The following DPP10 variants were observed in gnomAD, a reference collection of about 807,000 sequenced individuals.
DPP10 encodes the protein dipeptidyl peptidase like 10, also known as inactive dipeptidyl peptidase 10.
In DPP10, 33 loss-of-function variants were observed where a neutral mutation model predicts 120.9. The observed-to-expected ratio is 0.27, with a 90% CI of 0.21 to 0.37. The LOEUF is 0.37. Among genes scored for constraint, DPP10 ranks in the 10% least tolerant of loss-of-function variants. The probability of loss-of-function intolerance (pLI) is 1.00; values close to 1 mark genes in which losing one functional copy is unlikely to be tolerated. For synonymous variants in DPP10, 337 were observed against 326.1 expected (o/e 1.03, Z -0.36); for missense variants, 816 against 942.8 (o/e 0.87, Z 1.76).
intron 1 of DPP10, among the ~76,000 whole-genome samples, chr2:114,532,260 T>TAA (rs1345399868): frequency 1.2e-4 from 2 of 17,104 alleles, no homozygotes; most frequent in African/African-American, 3.6e-4. Context: ...AATCTCCATA[T>TAA]ATATATATAT....
At chr2:114,718,450 C>T (rs1260212370) in intron 1 of DPP10, among the ~76,000 whole-genome samples, 2 of 149,550 alleles carry the variant, frequency 1.3e-5, no homozygotes, top group African/African-American at 4.9e-5. Flanking sequence ...GTGCTAGCTG[C>T]ACTTTCAGTC....
intron 1 of DPP10, among the ~76,000 whole-genome samples, chr2:114,507,890 T>C (rs1241478489): frequency 1.3e-5 from 2 of 152,362 alleles, no homozygotes; most frequent in South Asian, 4.1e-4. Context: ...TAAAATGTTT[T>C]TATTAGTGGT....
intron 3 of DPP10, among the ~76,000 whole-genome samples, chr2:115,357,581 C>G (rs1378384095): frequency 6.6e-6 from 1 of 152,174 alleles, no homozygotes; most frequent in Non-Finnish European, 1.5e-5. Flanking sequence ...GTGCACAGTA[C>G]AAGCCGTCAG....
At chr2:115,266,515 G>A (rs947560473) in intron 1 of DPP10, among the ~76,000 whole-genome samples, 2 of 152,130 alleles carry the variant, frequency 1.3e-5, no homozygotes, top group African/African-American at 2.4e-5. Flanking sequence ...TGAGACAGGT[G>A]TTCATTGGCA....
chr2:114,642,653 G>T, intron 1 of DPP10, among the ~76,000 whole-genome samples: 1 of 151,664 alleles, frequency 6.6e-6, no homozygotes, highest in East Asian at 1.9e-4. Flanking sequence ...AGGAGGAACA[G>T]CTCACCAGGG....
chr2:115,422,081 A>G (rs938773948), intron 3 of DPP10, among the ~76,000 whole-genome samples: 4 of 152,078 alleles, frequency 2.6e-5, no homozygotes, highest in African/African-American at 9.7e-5. Context: ...ACGGCAAGCC[A>G]CTATGGGAGA....
chr2:115,655,743 T>A (rs1355248231), intron 5 of DPP10, among the ~76,000 whole-genome samples: 1 of 151,658 alleles, frequency 6.6e-6, no homozygotes, highest in African/African-American at 2.4e-5. Context: ...AATCATATAA[T>A]CGCTCAACAC....
chr2:115,239,140 A>G (rs1194588993), intron 1 of DPP10, among the ~76,000 whole-genome samples: 23 of 152,154 alleles, frequency 1.5e-4, no homozygotes, highest in Non-Finnish European at 3.2e-4. Context: ...CACTGACTCA[A>G]CTGTTAATCT....
chr2:115,596,011 G>T (rs1190317804), intron 5 of DPP10, among the ~76,000 whole-genome samples: 1 of 151,976 alleles, frequency 6.6e-6, no homozygotes, highest in Admixed American at 6.6e-5. Context: ...TTATGTATTA[G>T]ATTCAGAGCC....
At chr2:115,244,231 TATATATATAGAGAGAGAG>T (rs1450660535) in intron 1 of DPP10, among the ~76,000 whole-genome samples, 13 of 39,380 alleles carry the variant, frequency 3.3e-4, no homozygotes, top group Non-Finnish European at 4.0e-4. Flanking sequence ...TATATATATA[TATATATATAGAGAGAGAG>T]AGAGAGAGAG....
rs556468327 is a variant in DPP10 at position 114,677,555 on chromosome 2, A to G, written c.60+234717A>G. ...TAGATCACCCTACTCAGTCCTCACA[A>G]CGGTCCACTGAATTATTATCTTCCA... On this transcript the variant is annotated intron_variant, in intron 1 of 25. Coordinates refer to ENST00000410059, the MANE Select transcript of DPP10 (RefSeq NM_020868.6). 9.2e-5 allele frequency among the ~76,000 whole-genome samples: 14 copies of G among 152,244 alleles called. 1 individual carries two copies. In the Middle Eastern group the frequency reaches 0.017, roughly 185 times the overall value.
chr2:115,235,800 A>C (rs1173529998), intron 1 of DPP10, among the ~76,000 whole-genome samples: 1 of 152,094 alleles, frequency 6.6e-6, no homozygotes, highest in Admixed American at 6.6e-5. Flanking sequence ...GCCTCTGGTG[A>C]TCCACCCACC....
At chr2:115,524,168 G>T (rs767495833) in intron 4 of DPP10, among the ~76,000 whole-genome samples, 6 of 152,106 alleles carry the variant, frequency 3.9e-5, no homozygotes, top group Non-Finnish European at 8.8e-5. Flanking sequence ...CCAGGAATTA[G>T]CGTACACCCA....
chr2:114,846,560 A>G (rs1688563180), intron 1 of DPP10, among the ~76,000 whole-genome samples: 1 of 149,996 alleles, frequency 6.7e-6, no homozygotes, highest in Non-Finnish European at 1.5e-5. Context: ...CTAAATGTAA[A>G]TTCCATACTC....
chr2:115,324,149 G>A (rs922139851), intron 2 of DPP10, among the ~76,000 whole-genome samples: 1 of 152,104 alleles, frequency 6.6e-6, no homozygotes, highest in Admixed American at 6.6e-5. Flanking sequence ...GGTGTCACGT[G>A]CCTATAGTCC....
chr2:114,744,673 T>C (rs1253636289), intron 1 of DPP10, among the ~76,000 whole-genome samples: 1 of 152,220 alleles, frequency 6.6e-6, no homozygotes, highest in African/African-American at 2.4e-5. Context: ...GGAATCTTGG[T>C]TGATGCCTGT....
intron 1 of DPP10, among the ~76,000 whole-genome samples, chr2:114,862,075 C>T (rs1361391903): frequency 1.3e-5 from 2 of 152,078 alleles, no homozygotes; most frequent in African/African-American, 4.8e-5. Flanking sequence ...ATTAAAAATA[C>T]CTGTAAATTC....
chr2:114,500,313 G>A (rs115885089), intron 1 of DPP10, among the ~76,000 whole-genome samples: 1,557 of 152,282 alleles, frequency 0.01, 25 homozygotes, highest in African/African-American at 0.034. Context: ...AAGAGAATTT[G>A]CGGAATTAGG....
rs566286269 is a variant in DPP10, at chr2:115,473,897, C to T, written c.272-25613C>T. 3.3e-4 allele frequency among the ~76,000 whole-genome samples: 50 copies of T among 152,002 alleles called. No homozygotes were observed. The Middle Eastern group carries it at 0.01, about 31-fold the overall frequency. ...GACTCCCTCATAAAGCTATTGTGGA[C>T]GAAAGAGAGAAAGCATCTTACTGAT... On this transcript the variant is annotated intron_variant, in intron 3 of 25. Transcript: ENST00000410059.
Sources: gnomAD v4.1 joint callset for allele counts (sites outside exome capture counted in the v4.1 genomes callset) on GRCh38, gnomAD v4.1.1 for gene constraint, MANE v1.5 for transcripts, NCBI Gene and HGNC (gene_info 2026-07-23, HGNC 2026-07-21) for gene names.